The following MYLK4 variants were observed in gnomAD, a reference collection of about 807,000 sequenced individuals.
MYLK4 encodes the protein myosin light chain kinase family member 4, also known as caMLCK like.
MYLK4 carries 46 observed loss-of-function variants against 48.1 expected under a neutral mutation model. That is an observed-to-expected ratio of 0.96 (90% confidence interval 0.75 to 1.22). The LOEUF is 1.22. Among genes scored for constraint, MYLK4 ranks in the 50% most tolerant of loss-of-function variants. The pLI is 0.00. For synonymous variants in MYLK4, 170 were observed against 180.8 expected, an observed-to-expected ratio of 0.94 and a Z score of 0.48; for missense variants, 451 against 486.1, an observed-to-expected ratio of 0.93 and a Z score of 0.68.
chr6:2,690,983 C>T (rs969939301), intron 3 of MYLK4, among the ~76,000 whole-genome samples: 5 of 152,028 alleles, frequency 3.3e-5, no homozygotes, highest in Non-Finnish European at 7.4e-5. Context: ...CGCCCGCCAC[C>T]ACGCCCGGCT....
chr6:2,746,256 G>A (rs936215168), intron 2 of MYLK4, among the ~76,000 whole-genome samples: 1 of 151,082 alleles, frequency 6.6e-6, no homozygotes, highest in East Asian at 2.0e-4. Flanking sequence ...GACAGAGCAA[G>A]ACTCCGTCTC....
chr6:2,766,797 A>G, the MYLK4 span, among the ~76,000 whole-genome samples: 1 of 152,048 alleles, frequency 6.6e-6, no homozygotes, highest in Non-Finnish European at 1.5e-5. Context: ...CGAATTCGCA[A>G]GGAATCAGCA....
intron 2 of MYLK4, among the ~76,000 whole-genome samples, chr6:2,719,909 G>A (rs186194664): frequency 4.3e-4 from 66 of 152,178 alleles, no homozygotes; most frequent in Non-Finnish European, 7.2e-4. Context: ...AGGCTGAGGC[G>A]GGTGGATCAC....
intron 2 of MYLK4, among the ~76,000 whole-genome samples, chr6:2,704,336 C>T (rs17278136): frequency 6.6e-6 from 1 of 152,104 alleles, no homozygotes; most frequent in Non-Finnish European, 1.5e-5. Context: ...GTCCCACGTC[C>T]ATGCAGCGCA....
intron 2 of MYLK4, among the ~76,000 whole-genome samples, chr6:2,741,763 A>C (rs1763907197): frequency 2.6e-5 from 4 of 152,226 alleles, no homozygotes; most frequent in Admixed American, 1.3e-4. Flanking sequence ...TCATGGCTAA[A>C]AAGTTGCAAA....
intron 2 of MYLK4, among the ~76,000 whole-genome samples, chr6:2,723,554 C>T (rs1763143961): frequency 6.6e-6 from 1 of 152,378 alleles, no homozygotes; most frequent in Admixed American, 6.5e-5. Context: ...TCGCTGGCAC[C>T]CCAGGGTCTG....
chr6:2,700,534 G>A lies in MYLK4; in HGVS notation c.160-7675C>T, dbSNP rs554744965. On this transcript the variant is annotated intron_variant, in intron 2 of 12. Transcript: ENST00000274643. ...CACTGGAATCCCTCTTCCTCCCCCC[G>A]ATAAGCAAGGTCTTTGATCCTATCC... is the stretch of plus-strand genomic sequence containing the variant. 2.0e-5 allele frequency among the ~76,000 whole-genome samples: 3 copies of A among 152,140 alleles called. No individual in the cohort carries two copies. The South Asian group carries it at 6.3e-4, about 32-fold the overall frequency.
At chr6:2,752,859 T>G (rs1430065259), upstream of MYLK4, among the ~76,000 whole-genome samples, 1 of 152,204 alleles carries the variant, frequency 6.6e-6, no homozygotes, top group Admixed American at 6.5e-5. Context: ...AGTGACTGAT[T>G]GTCTGGTTCT....
rs571820776 is a variant in MYLK4, at chr6:2,697,671, A to T, written c.160-4812T>A. On this transcript the variant is annotated intron_variant, in intron 2 of 12. Transcript: ENST00000274643. ...CATTCCCATTCAATAAAAATCATTT[A>T]AAAAATCAATGGTAAAACGGATTTG... 5.3e-5 allele frequency among the ~76,000 whole-genome samples: 8 copies of T among 152,344 alleles called. No homozygotes were observed. The South Asian group carries it at 1.0e-3, about 20-fold the overall frequency.
At chr6:2,743,004 G>A (rs1763950630) in intron 2 of MYLK4, among the ~76,000 whole-genome samples, 1 of 152,104 alleles carries the variant, frequency 6.6e-6, no homozygotes, top group South Asian at 2.1e-4. Flanking sequence ...TGGTTCTTCT[G>A]GGGGCATGTG....
At chr6:2,708,489 A>G (rs1762568847) in intron 2 of MYLK4, among the ~76,000 whole-genome samples, 3 of 152,230 alleles carry the variant, frequency 2.0e-5, no homozygotes. Flanking sequence ...TTCCTCTGCT[A>G]ACAAAGTAGA....
chr6:2,678,702 A>C (rs1266156448), intron 9 of MYLK4, among the ~76,000 whole-genome samples: 8 of 145,580 alleles, frequency 5.5e-5, no homozygotes, highest in Non-Finnish European at 1.0e-4. Flanking sequence ...TGAGTCATTT[A>C]GGAGATCAGT....
rs771769682 is a variant in MYLK4 at position 2,692,909 on chromosome 6, T to A, written c.160-50A>T. The A allele has an allele frequency of 1.3e-5, 20 of 1,544,078 alleles. No individual in the cohort carries two copies. The South Asian group carries it at 2.0e-4, about 15-fold the overall frequency. ...GAAGTTACATATCACATCTGGGCTT[T>A]TCAACCTCAGCACTCCTGACACTTG... On this transcript the variant is annotated intron_variant, in intron 2 of 12. Coordinates refer to ENST00000274643, the MANE Select transcript of MYLK4 (RefSeq NM_001012418.5).
At chr6:2,744,376 G>GGCTGCCGAGGCTGGGCC (rs1224019777) in intron 2 of MYLK4, among the ~76,000 whole-genome samples, 1 of 152,240 alleles carries the variant, frequency 6.6e-6, no homozygotes, top group Non-Finnish European at 1.5e-5. Flanking sequence ...GGCAACTGCT[G>GGCTGCCGAGGCTGGGCC]GCTGCCGAGG....
At chr6:2,770,134 T>C in the MYLK4 span, 1 of 1,614,254 alleles carries the variant, frequency 6.2e-7, no homozygotes, top group Non-Finnish European at 8.5e-7. Context: ...CTTTCCTTCC[T>C]CACGTGGAAT....
At chr6:2,717,801 T>C (rs1035016861) in intron 2 of MYLK4, among the ~76,000 whole-genome samples, 1 of 152,236 alleles carries the variant, frequency 6.6e-6, no homozygotes, top group Non-Finnish European at 1.5e-5. Context: ...TTTTCACTGC[T>C]ACATGCTGTC....
At chr6:2,671,985 A>G (rs1375384596) in intron 11 of MYLK4, among the ~76,000 whole-genome samples, 1 of 152,186 alleles carries the variant, frequency 6.6e-6, no homozygotes, top group Non-Finnish European at 1.5e-5. Flanking sequence ...GAAACGCGTG[A>G]AGATTTTTTC....
At chr6:2,726,055 A>G (rs1763261138) in intron 2 of MYLK4, among the ~76,000 whole-genome samples, 1 of 152,214 alleles carries the variant, frequency 6.6e-6, no homozygotes, top group South Asian at 2.1e-4. Context: ...CCAAGGAGTA[A>G]GCAGTGGCCA....
At chr6:2,749,972 T>C (rs1010711205) in intron 1 of MYLK4, among the ~76,000 whole-genome samples, 1 of 152,242 alleles carries the variant, frequency 6.6e-6, no homozygotes, top group Non-Finnish European at 1.5e-5. Context: ...CATTAACAGC[T>C]ATGTACCGAG....
Sources: allele counts gnomAD v4.1 joint callset (sites outside exome capture counted in the v4.1 genomes callset), GRCh38; gene constraint gnomAD v4.1.1; transcripts MANE v1.5; gene names NCBI Gene and HGNC (gene_info 2026-07-23, HGNC 2026-07-21).